Variants in SHANK2 observed in about 807,000 individuals in gnomAD.
SHANK2 encodes the protein SH3 and multiple ankyrin repeat domains protein 2.
In SHANK2, 43 loss-of-function variants were observed where a neutral mutation model predicts 133.7. The ratio of observed to expected loss-of-function variants is 0.32; its 90% CI spans 0.25 to 0.41. SHANK2 has a LOEUF of 0.41. Ranked by LOEUF, SHANK2 falls within the 10% of genes least tolerant of loss-of-function variation. The pLI, the probability that SHANK2 is intolerant of heterozygous loss-of-function variation, is 1.00. For synonymous variants in SHANK2, 1,017 were observed against 952.8 expected, an observed-to-expected ratio of 1.07 and a Z score of -1.24; for missense variants, 1,994 against 2,235.8, an observed-to-expected ratio of 0.89 and a Z score of 2.18.
At position 70,785,959 on chromosome 11, in the gene SHANK2, A is replaced by C. The variant is rs935932754; in HGVS notation, c.1777+12484T>G. Among the ~76,000 whole-genome samples the C allele has an allele frequency of 2.8e-4, 42 of 152,114 alleles. 2 individuals carry two copies. Among genetic ancestry groups the C allele is most frequent in the Admixed American group, 2.5e-3 (38 of 15,278 alleles). ...TATCAGCTGAGGGTGGTCGCCTGGG[A>C]CCACTGATGGGCTGGTGTCCTACCT... On this transcript the variant is annotated intron_variant, in intron 14 of 25. Coordinates refer to ENST00000601538, the MANE Select transcript of SHANK2 (RefSeq NM_012309.5).
At chr11:70,859,524 G>GTGGA (rs1949224995) in intron 11 of SHANK2, among the ~76,000 whole-genome samples, 1 of 152,142 alleles carries the variant, frequency 6.6e-6, no homozygotes, top group Admixed American at 6.5e-5. Flanking sequence ...GGATGGGTGA[G>GTGGA]TGGATGGATG....
At chr11:70,565,393 G>A (rs1006377823) in intron 17 of SHANK2, among the ~76,000 whole-genome samples, 11 of 152,172 alleles carry the variant, frequency 7.2e-5, no homozygotes, top group African/African-American at 4.8e-5. Flanking sequence ...TTACAGGCGC[G>A]TGCCACCATG....
At chr11:70,496,214 C>T (rs561173029) in intron 21 of SHANK2, among the ~76,000 whole-genome samples, 14 of 152,296 alleles carry the variant, frequency 9.2e-5, no homozygotes, top group Non-Finnish European at 2.1e-4. Flanking sequence ...GACTCTAGGG[C>T]ATAACAGCTT....
intron 17 of SHANK2, among the ~76,000 whole-genome samples, chr11:70,609,334 C>T (rs1045428298): frequency 5.9e-5 from 9 of 152,194 alleles, no homozygotes; most frequent in African/African-American, 2.2e-4. Context: ...CAGGAGGTGG[C>T]TTTATCTGTT....
chr11:70,893,221 T>G (rs550928146), intron 11 of SHANK2, among the ~76,000 whole-genome samples: 1 of 152,304 alleles, frequency 6.6e-6, no homozygotes, highest in South Asian at 2.1e-4. Context: ...CACCCAGAAG[T>G]TGGGCAGCTT....
At chr11:70,549,710 G>A (rs2059740785) in intron 17 of SHANK2, among the ~76,000 whole-genome samples, 1 of 152,214 alleles carries the variant, frequency 6.6e-6, no homozygotes, top group African/African-American at 2.4e-5. Context: ...TTAGGACCTC[G>A]AAGGAATCTT....
chr11:70,718,154 G>A (rs1945985291), intron 14 of SHANK2, among the ~76,000 whole-genome samples: 1 of 152,244 alleles, frequency 6.6e-6, no homozygotes, highest in African/African-American at 2.4e-5. Context: ...TTAGCAGGGA[G>A]AGGCAGTGAT....
chr11:71,140,022 G>C lies in SHANK2; in HGVS notation c.207+7098C>G, dbSNP rs375897963. Among the ~76,000 whole-genome samples the C allele has an allele frequency of 1.2e-4, 18 of 152,304 alleles. No individual in the cohort carries two copies. In the East Asian group the frequency reaches 2.3e-3, roughly 20 times the overall value. On this transcript the variant is annotated intron_variant, in intron 3 of 25. Transcript: ENST00000601538. ...GGACGGGCACTGGGGCCTCGGTGCA[G>C]ACTCACTCGGCAGCTCCTGGCTGGC...
chr11:70,573,319 T>TGGG (rs1174423851), intron 17 of SHANK2, among the ~76,000 whole-genome samples: 4 of 2,708 alleles, frequency 1.5e-3, no homozygotes, highest in Non-Finnish European at 1.5e-3. Context: ...ACTCCAGCGG[T>TGGG]GGGGGGGGGG....
intron 11 of SHANK2, among the ~76,000 whole-genome samples, chr11:70,831,045 T>C (rs1555058294): frequency 6.6e-6 from 1 of 152,176 alleles, no homozygotes; most frequent in Non-Finnish European, 1.5e-5. Flanking sequence ...TTCAAATGGA[T>C]TTCATTCTGG....
chr11:70,760,844 C>A (rs1463396056), intron 14 of SHANK2, among the ~76,000 whole-genome samples: 1 of 152,160 alleles, frequency 6.6e-6, no homozygotes, highest in African/African-American at 2.4e-5. Context: ...TAGGAAGGCT[C>A]CCGGGAGGAG....
At chr11:70,736,753 C>G (rs1476581423) in intron 14 of SHANK2, among the ~76,000 whole-genome samples, 2 of 152,152 alleles carry the variant, frequency 1.3e-5, no homozygotes, top group Non-Finnish European at 2.9e-5. Context: ...CGGCTCCCCG[C>G]CACGCACCCC....
chr11:70,473,541 C>A lies in SHANK2; in HGVS notation c.4980-102G>T. The A allele has an allele frequency of 8.7e-7, 1 of 1,152,098 alleles. No homozygotes were observed. The highest frequency in any genetic ancestry group is 1.3e-6 in the Non-Finnish European group (1 of 787,878). 71.4% of individuals were successfully genotyped at this position (1,152,098 alleles called of 1,614,324 possible). A position where few individuals can be genotyped will look rare whatever the true frequency, so the allele number is the denominator to read the frequency against. On this transcript the variant is annotated intron_variant, in intron 25 of 25. Coordinates refer to ENST00000601538, the MANE Select transcript of SHANK2 (RefSeq NM_012309.5). The surrounding 1 kb of genome is among the most constrained non-coding windows in gnomAD (Gnocchi z 5.9). ...AGGCGAGGGAGACGCCCAAACCATG[C>A]CAGAGTGTCTAGTGGCAGATCCACT...
intron 14 of SHANK2, among the ~76,000 whole-genome samples, chr11:70,701,831 G>A (rs1315830221): frequency 2.0e-5 from 3 of 151,992 alleles, no homozygotes; most frequent in African/African-American, 7.3e-5. Flanking sequence ...GGTCCCTAAG[G>A]GACAGGAAAG....
chr11:70,828,592 C>T (rs1241477357), intron 11 of SHANK2, among the ~76,000 whole-genome samples: 7 of 152,242 alleles, frequency 4.6e-5, no homozygotes, highest in South Asian at 2.1e-4. Context: ...GGAGGCCTGA[C>T]GATGTGTCCT....
chr11:71,060,574 G>A (rs1199658286), intron 9 of SHANK2, among the ~76,000 whole-genome samples: 3 of 152,248 alleles, frequency 2.0e-5, no homozygotes, highest in African/African-American at 7.2e-5. Context: ...CTGGGGAGCA[G>A]GAAGGCAGAG....
intron 10 of SHANK2, among the ~76,000 whole-genome samples, chr11:70,938,824 A>T (rs1555083856): frequency 6.6e-6 from 1 of 152,184 alleles, no homozygotes; most frequent in Non-Finnish European, 1.5e-5. Context: ...CATGGAATGC[A>T]GTGAGCACGG....
chr11:70,905,415 C>T (rs1226705027), intron 10 of SHANK2, among the ~76,000 whole-genome samples: 2 of 152,188 alleles, frequency 1.3e-5, no homozygotes, highest in Admixed American at 6.5e-5. Flanking sequence ...CTTCCTGCTT[C>T]ATGTAAGCCT....
intron 14 of SHANK2, among the ~76,000 whole-genome samples, chr11:70,714,390 G>A (rs9667917): frequency 1.4e-3 from 207 of 152,322 alleles, no homozygotes; most frequent in African/African-American, 4.8e-3. Flanking sequence ...CTCCCAGCCA[G>A]GCAGGGTCCT....
Sources: allele counts gnomAD v4.1 joint callset (sites outside exome capture counted in the v4.1 genomes callset), GRCh38; gene constraint gnomAD v4.1.1; non-coding constraint Gnocchi (gnomAD v3.1); transcripts MANE v1.5; gene names NCBI Gene and HGNC (gene_info 2026-07-23, HGNC 2026-07-21).